The following ABTB3 variants were observed in gnomAD, a reference collection of about 807,000 sequenced individuals.
ABTB3 encodes ankyrin repeat and BTB domain containing 3.
the ABTB3 span, among the ~76,000 whole-genome samples, chr12:107,420,132 C>T: frequency 5.3e-5 from 8 of 152,148 alleles, no homozygotes; most frequent in Admixed American, 2.0e-4. Flanking sequence ...CAAGGGTCCT[C>T]GTTACTCCTC....
chr12:107,568,390 A>G, the ABTB3 span, among the ~76,000 whole-genome samples: 2 of 152,300 alleles, frequency 1.3e-5, no homozygotes, highest in African/African-American at 2.4e-5. Flanking sequence ...TCAAAAATCC[A>G]GGTTGCGTAA....
chr12:107,423,385 C>T, the ABTB3 span, among the ~76,000 whole-genome samples: 1 of 152,108 alleles, frequency 6.6e-6, no homozygotes, highest in South Asian at 2.1e-4. Context: ...ATCTCCATGC[C>T]AAGAAAAGGA....
the ABTB3 span, among the ~76,000 whole-genome samples, chr12:107,426,348 A>G: frequency 6.6e-6 from 1 of 152,152 alleles, no homozygotes; most frequent in Non-Finnish European, 1.5e-5. Context: ...GTCAGTGCAG[A>G]GCCCAGCCCA....
At chr12:107,617,091 C>T in the ABTB3 span, 1 of 1,614,008 alleles carries the variant, frequency 6.2e-7, no homozygotes, top group South Asian at 1.1e-5. Flanking sequence ...CTCTGCAGCT[C>T]CTCCTGGATG....
the ABTB3 span, among the ~76,000 whole-genome samples, chr12:107,411,161 G>T: frequency 6.6e-6 from 1 of 152,142 alleles, no homozygotes; most frequent in South Asian, 2.1e-4. Flanking sequence ...AAATCTGGGC[G>T]TGGTGGCATG....
chr12:107,361,688 C>A, the ABTB3 span, among the ~76,000 whole-genome samples: 1 of 152,128 alleles, frequency 6.6e-6, no homozygotes, highest in Non-Finnish European at 1.5e-5. Context: ...TCTGATATAG[C>A]TGATGTAGAC....
At chr12:107,447,764 C>A in the ABTB3 span, among the ~76,000 whole-genome samples, 1 of 152,158 alleles carries the variant, frequency 6.6e-6, no homozygotes, top group African/African-American at 2.4e-5. Flanking sequence ...CCCTTCCCTG[C>A]TTTGCTAAGA....
At chr12:107,370,572 A>C in the ABTB3 span, among the ~76,000 whole-genome samples, 1 of 151,980 alleles carries the variant, frequency 6.6e-6, no homozygotes, top group Non-Finnish European at 1.5e-5. Flanking sequence ...AATAGATAAA[A>C]ATCAAGACAA....
At chr12:107,491,395 T>G in the ABTB3 span, among the ~76,000 whole-genome samples, 1 of 152,212 alleles carries the variant, frequency 6.6e-6, no homozygotes, top group Non-Finnish European at 1.5e-5. Context: ...CATTTATTTA[T>G]TCAACAGACA....
chr12:107,441,774 C>CAAAAAAAAAAAAAA, the ABTB3 span, among the ~76,000 whole-genome samples: 91 of 79,962 alleles, frequency 1.1e-3, 1 homozygote, highest in Admixed American at 1.7e-3. Context: ...CTTGTCTCTA[C>CAAAAAAAAAAAAAA]AAAAAAAAAA....
chr12:107,560,567 A>G, the ABTB3 span, among the ~76,000 whole-genome samples: 1 of 152,346 alleles, frequency 6.6e-6, no homozygotes. Flanking sequence ...CTATTCTCAC[A>G]GCAAAACCGG....
chr12:107,474,251 T>C, the ABTB3 span, among the ~76,000 whole-genome samples: 10 of 152,210 alleles, frequency 6.6e-5, no homozygotes, highest in Admixed American at 5.9e-4. Context: ...CACTGGCCCG[T>C]GTTTATTGAG....
At chr12:107,333,619 G>A in the ABTB3 span, among the ~76,000 whole-genome samples, 2 of 152,186 alleles carry the variant, frequency 1.3e-5, no homozygotes, top group South Asian at 4.1e-4. Context: ...AGATGTAGAA[G>A]TGCTCTGTAA....
the ABTB3 span, among the ~76,000 whole-genome samples, chr12:107,377,697 G>T: frequency 1.3e-4 from 20 of 152,250 alleles, no homozygotes; most frequent in African/African-American, 4.6e-4. Context: ...GTCATTTCTG[G>T]CAAATGCCTG....
At chr12:107,405,468 TCTC>T in the ABTB3 span, among the ~76,000 whole-genome samples, 9 of 151,964 alleles carry the variant, frequency 5.9e-5, no homozygotes, top group Non-Finnish European at 1.2e-4. Context: ...AATACCCACA[TCTC>T]CTTTCTATAG....
the ABTB3 span, among the ~76,000 whole-genome samples, chr12:107,397,830 G>A: frequency 2.0e-5 from 3 of 152,150 alleles, no homozygotes; most frequent in Admixed American, 2.0e-4. Context: ...TCTAAGGAAA[G>A]TCATTGGTCC....
the ABTB3 span, among the ~76,000 whole-genome samples, chr12:107,523,855 G>A: frequency 4.6e-5 from 7 of 152,144 alleles, no homozygotes; most frequent in East Asian, 1.9e-4. Context: ...TCTGGCTACC[G>A]AGTTGGGACA....
chr12:107,338,962 GAC>G, the ABTB3 span, among the ~76,000 whole-genome samples: 2 of 152,280 alleles, frequency 1.3e-5, no homozygotes, highest in East Asian at 3.9e-4. Flanking sequence ...GGGTAGCTGG[GAC>G]TACGGGGTAT....
chr12:107,508,866 G>A, the ABTB3 span, among the ~76,000 whole-genome samples: 2 of 152,316 alleles, frequency 1.3e-5, no homozygotes, highest in East Asian at 1.9e-4. Context: ...TAGGGGACAA[G>A]GGAAAGGCTT....
Sources: gnomAD v4.1 joint callset for allele counts (sites outside exome capture counted in the v4.1 genomes callset) on GRCh38, gnomAD v4.1.1 for gene constraint, MANE v1.5 for transcripts, NCBI Gene and HGNC (gene_info 2026-07-23, HGNC 2026-07-21) for gene names.